SLC35D4: variants seen among roughly 807,000 people sequenced by gnomAD.
The protein encoded by SLC35D4 is UDP-N-acetylglucosamine transporter SLC35D4.
the SLC35D4 span, among the ~76,000 whole-genome samples, chr18:23,298,951 T>C: frequency 6.6e-6 from 1 of 152,208 alleles, no homozygotes; most frequent in Non-Finnish European, 1.5e-5. Context: ...CCTTGAACGT[T>C]TGGGGTGCTG....
At chr18:23,411,159 G>C in the SLC35D4 span, among the ~76,000 whole-genome samples, 6 of 143,302 alleles carry the variant, frequency 4.2e-5, no homozygotes, top group Non-Finnish European at 9.0e-5. Flanking sequence ...AAGGAAGGAG[G>C]GAAGGAGGGA....
chr18:23,352,265 C>A, the SLC35D4 span: 2 of 1,608,964 alleles, frequency 1.2e-6, no homozygotes, highest in Non-Finnish European at 1.7e-6. Context: ...CTGTACTGAA[C>A]ATGAGAAAGA....
At chr18:23,414,556 C>A in the SLC35D4 span, among the ~76,000 whole-genome samples, 8 of 151,798 alleles carry the variant, frequency 5.3e-5, no homozygotes, top group Non-Finnish European at 1.0e-4. Context: ...ACCTGTAATC[C>A]CAGCTTCCCG....
the SLC35D4 span, among the ~76,000 whole-genome samples, chr18:23,339,649 G>A: frequency 6.6e-6 from 1 of 152,182 alleles, no homozygotes; most frequent in Non-Finnish European, 1.5e-5. Context: ...TATAGGCTGG[G>A]TAGCTTACAA....
chr18:23,354,414 G>A, the SLC35D4 span, among the ~76,000 whole-genome samples: 25 of 150,676 alleles, frequency 1.7e-4, no homozygotes, highest in Admixed American at 4.6e-4. Flanking sequence ...CCAGCTACTC[G>A]GGAGGCTGAG....
the SLC35D4 span, among the ~76,000 whole-genome samples, chr18:23,340,724 C>G: frequency 6.6e-6 from 1 of 152,182 alleles, no homozygotes; most frequent in Non-Finnish European, 1.5e-5. Context: ...ATTACGGCAT[C>G]AGCTTTAAAG....
the SLC35D4 span, among the ~76,000 whole-genome samples, chr18:23,392,480 C>T: frequency 6.6e-6 from 1 of 152,222 alleles, no homozygotes; most frequent in Non-Finnish European, 1.5e-5. Context: ...GAGGACCAGA[C>T]TGCCTTCTTT....
chr18:23,244,131 TA>T, the SLC35D4 span, among the ~76,000 whole-genome samples: 1 of 152,250 alleles, frequency 6.6e-6, no homozygotes, highest in Admixed American at 6.5e-5. Context: ...AGCTTGCGTT[TA>T]GAAGTGCATC....
the SLC35D4 span, among the ~76,000 whole-genome samples, chr18:23,371,935 G>GTTTTTTTTTGTT: frequency 2.0e-4 from 7 of 35,482 alleles, no homozygotes; most frequent in African/African-American, 8.2e-4. Flanking sequence ...TGTTTTTTTT[G>GTTTTTTTTTGTT]TTTTTTTTTT....
At chr18:23,349,782 A>C in the SLC35D4 span, among the ~76,000 whole-genome samples, 1 of 128,568 alleles carries the variant, frequency 7.8e-6, no homozygotes, top group Non-Finnish European at 1.7e-5. Context: ...CCTCTAGAGC[A>C]CTTTCAGTTC....
At chr18:23,334,478 G>A in the SLC35D4 span, among the ~76,000 whole-genome samples, 1 of 152,182 alleles carries the variant, frequency 6.6e-6, no homozygotes, top group Non-Finnish European at 1.5e-5. Context: ...ATGGCTAGTT[G>A]TATTTATGTG....
chr18:23,367,765 T>C, the SLC35D4 span, among the ~76,000 whole-genome samples: 7 of 151,556 alleles, frequency 4.6e-5, no homozygotes, highest in Admixed American at 2.0e-4. Flanking sequence ...TGGATACTTT[T>C]TTTTTTTTTT....
chr18:23,275,623 T>TGTGCC, the SLC35D4 span, among the ~76,000 whole-genome samples: 19 of 137,878 alleles, frequency 1.4e-4, no homozygotes, highest in African/African-American at 5.4e-4. Context: ...TGTGCTGTGC[T>TGTGCC]GTGCTGTGCT....
the SLC35D4 span, among the ~76,000 whole-genome samples, chr18:23,244,060 C>T: frequency 1.3e-4 from 20 of 152,282 alleles, no homozygotes; most frequent in South Asian, 1.0e-3. Context: ...ACAATCACTT[C>T]GTGATTTTGA....
the SLC35D4 span, among the ~76,000 whole-genome samples, chr18:23,411,527 AAGAAAG>A: frequency 6.6e-6 from 1 of 151,496 alleles, no homozygotes; most frequent in African/African-American, 2.4e-5. Flanking sequence ...GAAAGAAAGA[AAGAAAG>A]AAAGAAAGAA....
the SLC35D4 span, chr18:23,310,347 C>T: frequency 2.3e-6 from 2 of 888,630 alleles, no homozygotes; most frequent in Non-Finnish European, 2.7e-6. Flanking sequence ...GAAGAGGTTA[C>T]CTCCACATCT....
At chr18:23,311,932 T>G in the SLC35D4 span, among the ~76,000 whole-genome samples, 1 of 152,178 alleles carries the variant, frequency 6.6e-6, no homozygotes, top group East Asian at 1.9e-4. Flanking sequence ...CCAATGGAGA[T>G]GTATTTCTTG....
chr18:23,328,067 G>A, the SLC35D4 span, among the ~76,000 whole-genome samples: 1 of 152,142 alleles, frequency 6.6e-6, no homozygotes, highest in African/African-American at 2.4e-5. Context: ...AATAGTAAGA[G>A]CTATTTATGA....
the SLC35D4 span, among the ~76,000 whole-genome samples, chr18:23,342,135 T>G: frequency 1.3e-5 from 2 of 152,222 alleles, no homozygotes; most frequent in Admixed American, 1.3e-4. Context: ...TGGACAAATT[T>G]AATAAATTAA....
Sources: allele counts gnomAD v4.1 joint callset (sites outside exome capture counted in the v4.1 genomes callset), GRCh38; gene constraint gnomAD v4.1.1; transcripts MANE v1.5; gene names NCBI Gene and HGNC (gene_info 2026-07-23, HGNC 2026-07-21).